Variants in MYRIP observed in about 807,000 individuals in gnomAD.
MYRIP encodes the protein rab effector MyRIP.
MYRIP carries 49 observed loss-of-function variants against 98.0 expected under a neutral mutation model. That is an observed-to-expected ratio of 0.50 (90% CI 0.40 to 0.63). MYRIP has a LOEUF of 0.63. Among genes scored for constraint, MYRIP ranks in the 30% least tolerant of loss-of-function variants. The probability of loss-of-function intolerance (pLI) is 0.00; values close to 1 mark genes in which losing one functional copy is unlikely to be tolerated. For synonymous variants in MYRIP, 404 were observed against 409.5 expected (o/e 0.99, Z 0.16); for missense variants, 1,004 against 1,058.2 (o/e 0.95, Z 0.71).
At chr3:39,956,999 T>G (rs1313735305) in intron 2 of MYRIP, among the ~76,000 whole-genome samples, 1 of 151,772 alleles carries the variant, frequency 6.6e-6, no homozygotes, top group South Asian at 2.1e-4. Context: ...AATCCCTGAA[T>G]AGACCAATAA....
chr3:40,093,403 C>T (rs1041929990), intron 3 of MYRIP, among the ~76,000 whole-genome samples: 3 of 152,252 alleles, frequency 2.0e-5, no homozygotes, highest in Admixed American at 1.3e-4. Flanking sequence ...TCTCTATGGC[C>T]TGTGTTCCAC....
Position 40,151,917 on chromosome 3 carries a change from T to A in MYRIP, c.469+733T>A, listed in dbSNP as rs73827322. 2.7e-3 allele frequency among the ~76,000 whole-genome samples: 408 copies of A among 152,342 alleles called. 1 individual carries two copies. Among genetic ancestry groups the A allele is most frequent in the African/African-American group, 9.4e-3 (389 of 41,574 alleles). On this transcript the variant is annotated intron_variant, in intron 4 of 16. Transcript: ENST00000302541. ...GGAAGAAGAAAAAACCTCATTCATC[T>A]TATTTGGAGTTTTTTCACCATCATT...
At chr3:40,172,014 A>G (rs1950629138) in intron 8 of MYRIP, among the ~76,000 whole-genome samples, 1 of 152,190 alleles carries the variant, frequency 6.6e-6, no homozygotes, top group Non-Finnish European at 1.5e-5. Context: ...CAGATCTCAT[A>G]TGGGAAAGAC....
intron 1 of MYRIP, among the ~76,000 whole-genome samples, chr3:39,878,339 T>C (rs1158123931): frequency 6.6e-6 from 1 of 152,160 alleles, no homozygotes; most frequent in Admixed American, 6.5e-5. Flanking sequence ...TCGAGCACAG[T>C]GCGCTGCACC....
chr3:40,144,933 CTCTT>C (rs1209805914), intron 3 of MYRIP, among the ~76,000 whole-genome samples: 9 of 152,170 alleles, frequency 5.9e-5, no homozygotes, highest in African/African-American at 1.9e-4. Context: ...AAGGAACTCC[CTCTT>C]TCTGCATGTT....
intron 1 of MYRIP, among the ~76,000 whole-genome samples, chr3:39,876,021 G>A (rs546924545): frequency 0.018 from 2,792 of 152,138 alleles, 85 homozygotes; most frequent in African/African-American, 0.064. Flanking sequence ...GAATCTGGGT[G>A]CTCCTGTATT....
intron 2 of MYRIP, among the ~76,000 whole-genome samples, chr3:40,025,273 G>A (rs985740811): frequency 2.0e-5 from 3 of 152,118 alleles, no homozygotes; most frequent in African/African-American, 7.2e-5. Context: ...ATTGTTGTGT[G>A]TCATTAACAT....
intron 3 of MYRIP, among the ~76,000 whole-genome samples, chr3:40,067,761 A>G (rs78979472): frequency 7.8e-4 from 119 of 151,856 alleles, no homozygotes; most frequent in Non-Finnish European, 1.3e-3. Context: ...GGTCTAAGAG[A>G]TGGTAACATT....
intron 2 of MYRIP, among the ~76,000 whole-genome samples, chr3:39,907,250 C>T (rs1372112147): frequency 6.6e-6 from 1 of 152,148 alleles, no homozygotes; most frequent in Non-Finnish European, 1.5e-5. Context: ...CATGATGTTT[C>T]ATCAGTATAA....
chr3:39,998,918 C>T (rs12634079), intron 2 of MYRIP, among the ~76,000 whole-genome samples: 15,348 of 152,094 alleles, frequency 0.1, 1,335 homozygotes, highest in African/African-American at 0.23. Context: ...ACAAAACAAG[C>T]AATGGGGAAA....
chr3:39,814,039 A>G (rs1041804966), intron 1 of MYRIP, among the ~76,000 whole-genome samples: 3 of 152,152 alleles, frequency 2.0e-5, no homozygotes, highest in African/African-American at 7.2e-5. Flanking sequence ...AGATTTTTCT[A>G]CCTCTTGGTA....
At chr3:40,145,138 T>C (rs1377375814) in intron 3 of MYRIP, among the ~76,000 whole-genome samples, 1 of 152,212 alleles carries the variant, frequency 6.6e-6, no homozygotes, top group Admixed American at 6.5e-5. Flanking sequence ...AGGGATTAAG[T>C]AATGTGCTCA....
chr3:39,999,005 AC>A (rs1946446002), intron 2 of MYRIP, among the ~76,000 whole-genome samples: 1 of 152,206 alleles, frequency 6.6e-6, no homozygotes, highest in South Asian at 2.1e-4. Context: ...TCCCTTCCTT[AC>A]ACCTTATACA....
At chr3:39,984,932 G>T (rs1213265558) in intron 2 of MYRIP, among the ~76,000 whole-genome samples, 2 of 151,374 alleles carry the variant, frequency 1.3e-5, no homozygotes, top group East Asian at 3.9e-4. Flanking sequence ...ACTGGTGTGA[G>T]ATGGTATCTC....
chr3:40,080,061 G>C (rs1413929320), intron 3 of MYRIP, among the ~76,000 whole-genome samples: 1 of 152,152 alleles, frequency 6.6e-6, no homozygotes, highest in Non-Finnish European at 1.5e-5. Context: ...GAAAGGTCCT[G>C]ATATTAAGGG....
chr3:40,127,568 G>A (rs933672507), intron 3 of MYRIP, among the ~76,000 whole-genome samples: 3 of 152,216 alleles, frequency 2.0e-5, no homozygotes, highest in Admixed American at 6.5e-5. Context: ...AGGGTTACTG[G>A]GATCTGGTGC....
chr3:40,213,966 G>T (rs980307165), intron 11 of MYRIP, among the ~76,000 whole-genome samples: 2 of 152,106 alleles, frequency 1.3e-5, no homozygotes, highest in African/African-American at 4.8e-5. Context: ...CACCCACAGT[G>T]ATAAACTACT....
chr3:40,207,105 T>C (rs1217541924), intron 10 of MYRIP, among the ~76,000 whole-genome samples: 1 of 152,184 alleles, frequency 6.6e-6, no homozygotes, highest in Non-Finnish European at 1.5e-5. Flanking sequence ...TATTTGATAG[T>C]TAAAGTCCTA....
At chr3:39,874,552 G>A (rs543634172) in intron 1 of MYRIP, among the ~76,000 whole-genome samples, 3 of 152,098 alleles carry the variant, frequency 2.0e-5, no homozygotes, top group Non-Finnish European at 4.4e-5. Flanking sequence ...TAGTATGAAG[G>A]GTTGTTGAAT....
Sources: allele counts gnomAD v4.1 joint callset (sites outside exome capture counted in the v4.1 genomes callset), GRCh38; gene constraint gnomAD v4.1.1; transcripts MANE v1.5; gene names NCBI Gene and HGNC (gene_info 2026-07-23, HGNC 2026-07-21).